Variants in CCDC148 observed in about 807,000 individuals in gnomAD.
CCDC148 encodes coiled-coil domain containing 148.
Under a neutral mutation model 85.7 loss-of-function variants are expected in CCDC148, and 89 were observed. That is an observed-to-expected ratio of 1.04 (90% CI 0.87 to 1.24). The LOEUF (loss-of-function observed/expected upper bound fraction) is 1.24. Among genes scored for constraint, CCDC148 ranks in the 50% most tolerant of loss-of-function variants. The probability of loss-of-function intolerance (pLI) is 0.00; values close to 1 mark genes in which losing one functional copy is unlikely to be tolerated. For missense variants in CCDC148, 692 were observed against 671.7 expected, an observed-to-expected ratio of 1.03 and a Z score of -0.33; for synonymous variants, 230 against 213.9, an observed-to-expected ratio of 1.08 and a Z score of -0.66.
chr2:158,421,511 G>A (rs1686780803), intron 1 of CCDC148, among the ~76,000 whole-genome samples: 1 of 152,164 alleles, frequency 6.6e-6, no homozygotes, highest in Non-Finnish European at 1.5e-5. Flanking sequence ...AGAAATGAAG[G>A]CAGAAATAAA....
chr2:158,280,338 G>C (rs1167721697), intron 9 of CCDC148, among the ~76,000 whole-genome samples: 1 of 152,148 alleles, frequency 6.6e-6, no homozygotes, highest in Non-Finnish European at 1.5e-5. Context: ...TGGCAAATTG[G>C]ATAAAGAGTC....
chr2:158,339,286 A>G (rs893746432), intron 5 of CCDC148, among the ~76,000 whole-genome samples: 1 of 152,126 alleles, frequency 6.6e-6, no homozygotes, highest in Admixed American at 6.5e-5. Context: ...CATCCCAAAA[A>G]TAAGCTCAGA....
At chr2:158,449,716 T>C (rs1185626935) in intron 1 of CCDC148, among the ~76,000 whole-genome samples, 4 of 152,254 alleles carry the variant, frequency 2.6e-5, no homozygotes, top group African/African-American at 9.6e-5. Flanking sequence ...CCCAAAGTGC[T>C]GGGATTATAG....
At position 158,172,120 on chromosome 2, in the gene CCDC148, T is replaced by C. The variant is rs1162032820; in HGVS notation, c.1769A>G (p.Lys590Arg). The C allele has an allele frequency of 6.3e-7, 1 of 1,596,654 alleles. No individual in the cohort carries two copies. The highest frequency in any genetic ancestry group is 2.2e-5 in the East Asian group (1 of 44,562). The part of the protein sequence containing the change: ...PRKDMESTVF[K>R]I ...AGAATTTGAGGATGAGCTCTATATT[T>C]TAAATACAGTAGACTCCATGTCCTT... Residue 590 changes from lysine to arginine, a missense_variant, in exon 14 of 14, where the codon AAA becomes AGA. Transcript: ENST00000283233.
rs777356867 is a variant in CCDC148 at position 158,323,919 on chromosome 2, C to CTTTT, written c.765-10029_765-10026dup. On this transcript the variant is annotated intron_variant, in intron 7 of 13. Transcript: ENST00000283233. ...GTCTAATTTCACCACCTGGGAATAA[C>CTTTT]TTTTTTTTTTTTTTTTTTTTTTTTT... is the stretch of plus-strand genomic sequence containing the variant. 1.3e-3 allele frequency among the ~76,000 whole-genome samples: 105 copies of CTTTT among 82,968 alleles called. 10 individuals are homozygous for CTTTT. Among genetic ancestry groups the CTTTT allele is most frequent in the African/African-American group, 3.5e-3 (83 of 23,640 alleles). 54.4% of individuals were successfully genotyped at this position (82,968 alleles called of 152,430 possible). A position where few individuals can be genotyped will look rare whatever the true frequency, so the allele number is the denominator to read the frequency against.
At position 158,340,477 on chromosome 2, in the gene CCDC148, T is replaced by C. The variant is rs76314944; in HGVS notation, c.335-84A>G. 2.4e-4 allele frequency: 368 copies of C among 1,506,172 alleles called. 3 individuals carry two copies. In the East Asian group the frequency reaches 7.9e-3, roughly 32 times the overall value. 93.3% of individuals were successfully genotyped at this position (1,506,172 alleles called of 1,614,324 possible). On this transcript the variant is annotated intron_variant, in intron 4 of 13. Coordinates refer to ENST00000283233, the MANE Select transcript of CCDC148 (RefSeq NM_138803.4). Reference sequence around the variant, plus strand: ...ACAGATCATTAGAGTACAGATTTATTTGGGGATTTCCTTAGAAAAAAACAA... The same window carrying C: ...ACAGATCATTAGAGTACAGATTTATCTGGGGATTTCCTTAGAAAAAAACAA...
intron 7 of CCDC148, among the ~76,000 whole-genome samples, chr2:158,338,343 A>G (rs967651811): frequency 1.3e-5 from 2 of 152,196 alleles, no homozygotes; most frequent in African/African-American, 2.4e-5. Flanking sequence ...GGATAAAATT[A>G]CAGTCAATTA....
intron 10 of CCDC148, among the ~76,000 whole-genome samples, chr2:158,239,047 G>C (rs776310437): frequency 6.6e-6 from 1 of 152,082 alleles, no homozygotes. Context: ...GATCATATAA[G>C]TATCTACCCC....
intron 11 of CCDC148, among the ~76,000 whole-genome samples, chr2:158,217,193 A>G (rs1250733206): frequency 1.3e-5 from 2 of 151,970 alleles, no homozygotes; most frequent in Non-Finnish European, 2.9e-5. Flanking sequence ...ATTAATAAAT[A>G]AAACAATTTC....
chr2:158,311,047 G>A (rs543437948), intron 8 of CCDC148, among the ~76,000 whole-genome samples: 18 of 152,300 alleles, frequency 1.2e-4, no homozygotes, highest in South Asian at 4.1e-4. Context: ...CCAGGCAGAC[G>A]CTGCTCACTT....
rs557796640 is a variant in CCDC148 at position 158,220,777 on chromosome 2, C to A, written c.1252-64G>T. On this transcript the variant is annotated intron_variant, in intron 10 of 13. Coordinates refer to ENST00000283233, the MANE Select transcript of CCDC148 (RefSeq NM_138803.4). The stretch of plus-strand genomic sequence containing the variant: ...AGATATGTAAAAATGAGGGAAAAGC[C>A]ATAACCATATCCACTGGTTCGTATT... 18 of 1,265,406 alleles carry A rather than the reference C, an allele frequency of 1.4e-5. No individual in the cohort carries two copies. The South Asian group carries it at 2.1e-4, about 15-fold the overall frequency. 78.4% of individuals were successfully genotyped at this position (1,265,406 alleles called of 1,614,324 possible).
At chr2:158,440,335 T>C (rs1163346408) in intron 1 of CCDC148, among the ~76,000 whole-genome samples, 2 of 152,106 alleles carry the variant, frequency 1.3e-5, no homozygotes, top group Non-Finnish European at 2.9e-5. Context: ...GACCCAGCAA[T>C]ATCAAGCGAA....
intron 1 of CCDC148, among the ~76,000 whole-genome samples, chr2:158,434,126 T>A (rs1309684911): frequency 6.6e-6 from 1 of 152,074 alleles, no homozygotes; most frequent in Non-Finnish European, 1.5e-5. Context: ...GAGTAGTGGT[T>A]CTCCCAGCAC....
At position 158,345,210 on chromosome 2, in the gene CCDC148, C is replaced by G. The variant is rs375545739; in HGVS notation, c.251+5G>C. On this transcript the variant is annotated splice_donor_5th_base_variant and intron_variant, in intron 3 of 13. Transcript: ENST00000283233. ...CGTGTTCTTACTATGTCCCCCAGTT[C>G]TTACCTGACTTCATTCAGCCTCTGG... is the stretch of plus-strand genomic sequence containing the variant. The G allele has an allele frequency of 3.7e-6, 6 of 1,608,484 alleles. No individual in the cohort carries two copies. Among genetic ancestry groups the G allele is most frequent in the Non-Finnish European group, 5.1e-6 (6 of 1,175,552 alleles).
Position 158,338,827 on chromosome 2 carries a change from G to A in CCDC148, c.663C>T (p.Tyr221=). The part of the protein sequence containing the change: ...PIELESLECP[Y]PDLKSSILSE... ...TGAGAATTGAAGATTTCAAATCAGGGTATGGGCATTCCAAACTTTCTAATT... is the reference window on the plus strand; with the variant it reads ...TGAGAATTGAAGATTTCAAATCAGGATATGGGCATTCCAAACTTTCTAATT... Residue 221 remains tyrosine, a synonymous_variant, in exon 7 of 14, where the codon TAC becomes TAT. Transcript: ENST00000283233. 1 of 1,612,696 alleles carries A rather than the reference G, an allele frequency of 6.2e-7. No homozygotes were observed. The highest frequency in any genetic ancestry group is 8.5e-7 in the Non-Finnish European group (1 of 1,179,548).
intron 7 of CCDC148, among the ~76,000 whole-genome samples, chr2:158,316,348 AATGTATTAATTAGCTGC>A (rs1167583787): frequency 6.6e-6 from 1 of 152,214 alleles, no homozygotes; most frequent in Non-Finnish European, 1.5e-5. Context: ...ACATTGCCTG[AATGTATTAATTAGCTGC>A]CATTTTAGTG....
intron 9 of CCDC148, among the ~76,000 whole-genome samples, chr2:158,291,516 C>T (rs1690893727): frequency 6.6e-6 from 1 of 152,176 alleles, no homozygotes. Context: ...CTAGAATGTC[C>T]TCCCACTCCT....
chr2:158,188,563 C>A (rs988734731), intron 11 of CCDC148, among the ~76,000 whole-genome samples: 5 of 151,848 alleles, frequency 3.3e-5, no homozygotes, highest in African/African-American at 4.8e-5. Flanking sequence ...AAACTGGACC[C>A]CTACCTCTCA....
intron 1 of CCDC148, among the ~76,000 whole-genome samples, chr2:158,448,079 A>G (rs1329862534): frequency 6.6e-6 from 1 of 152,142 alleles, no homozygotes; most frequent in Non-Finnish European, 1.5e-5. Flanking sequence ...ATTTAAGTTC[A>G]GTATTTTGCA....
Sources: gnomAD v4.1 joint callset for allele counts (sites outside exome capture counted in the v4.1 genomes callset) on GRCh38, gnomAD v4.1.1 for gene constraint, MANE v1.5 for transcripts, NCBI Gene and HGNC (gene_info 2026-07-23, HGNC 2026-07-21) for gene names.